The following INTS6L variants were observed in gnomAD, a reference collection of about 807,000 sequenced individuals.
The protein encoded by INTS6L is integrator complex subunit 6 like, also known as integrator complex subunit 6-like.
INTS6L carries 18 observed loss-of-function variants against 64.7 expected under a neutral mutation model. That is an observed-to-expected ratio of 0.28 (90% confidence interval 0.19 to 0.41). INTS6L has a LOEUF of 0.41. INTS6L is among the 10% of genes least tolerant of loss of function. The probability of loss-of-function intolerance (pLI) is 1.00; values close to 1 mark genes in which losing one functional copy is unlikely to be tolerated. For missense variants in INTS6L, 533 were observed against 661.0 expected, an observed-to-expected ratio of 0.81 and a Z score of 2.12; for synonymous variants, 227 against 235.9, an observed-to-expected ratio of 0.96 and a Z score of 0.34.
intron 2 of INTS6L, among the ~76,000 whole-genome samples, chrX:135,527,044 A>G (rs2085758486): frequency 8.9e-6 from 1 of 112,042 alleles, no homozygotes; most frequent in Admixed American, 9.4e-5. Context: ...TATAATTCAT[A>G]TATAGAAAAT....
intron 4 of INTS6L, 68 bp downstream of exon 4, chrX:135,546,537 C>A: frequency 1.0e-6 from 1 of 998,065 alleles, no homozygotes; most frequent in Non-Finnish European, 1.4e-6. Context: ...CTGTGGGAGG[C>A]ATTTCCAGTT....
At chrX:135,554,599 G>C (rs1556518400) in intron 8 of INTS6L, among the ~76,000 whole-genome samples, 1 of 111,536 alleles carries the variant, frequency 9.0e-6, no homozygotes, top group East Asian at 2.8e-4. Context: ...AATGGATTCT[G>C]TTAAATGTCA....
At chrX:135,528,263 C>T (rs781998841) in intron 2 of INTS6L, among the ~76,000 whole-genome samples, 1 of 112,088 alleles carries the variant, frequency 8.9e-6, no homozygotes, top group East Asian at 2.8e-4. Flanking sequence ...GTTCCCAGAC[C>T]TTCCTCCCAG....
At chrX:135,535,442 A>C (rs188250069) in intron 2 of INTS6L, among the ~76,000 whole-genome samples, 68 of 112,213 alleles carry the variant, frequency 6.1e-4, no homozygotes, top group Non-Finnish European at 1.2e-3. Flanking sequence ...TAACTTGCCC[A>C]AATATTCAGG....
intron 9 of INTS6L, among the ~76,000 whole-genome samples, chrX:135,562,315 T>C (rs1556522607): frequency 8.9e-6 from 1 of 112,364 alleles, no homozygotes. Context: ...TTACCTATTA[T>C]CTTTTTGTTA....
rs201675984 is a variant in INTS6L at position 135,572,949 on chromosome X, A to G, written c.1533A>G (p.Lys511=). The G allele has an allele frequency of 1.2e-4, 146 of 1,210,140 alleles. No individual in the cohort carries two copies. The South Asian group carries it at 2.4e-3, about 20-fold the overall frequency. Residue 511 remains lysine, a synonymous_variant, in exon 12 of 18, where the codon AAA becomes AAG. Coordinates refer to ENST00000639893, the MANE Select transcript of INTS6L (RefSeq NM_001351601.3). ...THNKNFRKLL[K]EITGETALRL... The stretch of plus-strand genomic sequence containing the variant: ...ATAAAAATTTTAGAAAACTATTGAA[A>G]GAAATCACAGGGGAAACTGCACTTA...
chrX:135,552,253 T>C, intron 8 of INTS6L, 107 bp downstream of exon 8: 1 of 889,045 alleles, frequency 1.1e-6, no homozygotes, highest in Non-Finnish European at 1.5e-6. Context: ...CTGACTGTGC[T>C]AATGATGTTT....
At position 135,521,011 on chromosome X, in the gene INTS6L, C is replaced by G; in HGVS notation, c.19C>G (p.Leu7Val). The G allele has an allele frequency of 8.3e-7, 1 of 1,211,388 alleles. No homozygotes were observed. The highest frequency in any genetic ancestry group is 1.1e-6 in the Non-Finnish European group (1 of 895,337). Reference protein sequence around the residue: MPILLFLIDTSASMNQR... With the variant: MPILLFVIDTSASMNQR... ...GGGGAAGATGCCCATCCTGCTGTTC[C>G]TCATAGACACGTCCGCCTCTATGAA... Residue 7 changes from leucine (L) to valine (V), a missense_variant, in exon 1 of 18, where the codon CTC (leucine) becomes GTC (valine). Leu to Val is a conservative substitution (Grantham distance 32, BLOSUM62 1). Coordinates refer to ENST00000639893, the MANE Select transcript of INTS6L (RefSeq NM_001351601.3).
chrX:135,533,075 TCAAAAACAAAAA>T (rs781814215), intron 2 of INTS6L, among the ~76,000 whole-genome samples: 7 of 109,790 alleles, frequency 6.4e-5, no homozygotes, highest in East Asian at 2.9e-4. Context: ...AGATCCTGTC[TCAAAAACAAAAA>T]CAAAAACAAA....
intron 9 of INTS6L, among the ~76,000 whole-genome samples, chrX:135,560,959 C>CTTTTTT (rs200672440): frequency 1.2e-5 from 1 of 84,372 alleles, no homozygotes; most frequent in Admixed American, 1.5e-4. Context: ...TCTTTTCTTT[C>CTTTTTT]TTTTTTTTTT....
intron 9 of INTS6L, among the ~76,000 whole-genome samples, chrX:135,557,509 C>T (rs1556519917): frequency 9.0e-6 from 1 of 111,489 alleles, no homozygotes; most frequent in Non-Finnish European, 1.9e-5. Context: ...TCATTCTATG[C>T]CATAAACCTA....
In INTS6L at chrX:135,546,376, T is replaced by C. The variant is rs373950962; in HGVS notation, c.340-4T>C. 1.9e-5 allele frequency: 21 copies of C among 1,114,766 alleles called. No homozygotes were observed. Among genetic ancestry groups the C allele is most frequent in the Non-Finnish European group, 2.5e-5 (21 of 839,966 alleles). The allele number at this position is 1,114,766 out of a possible 1,213,427, so 91.9% of individuals were successfully genotyped here. A position where few individuals can be genotyped will look rare whatever the true frequency, so the allele number is the denominator to read the frequency against. On this transcript the variant is annotated splice_polypyrimidine_tract_variant and splice_region_variant and intron_variant, in intron 3 of 17. Coordinates refer to ENST00000639893, the MANE Select transcript of INTS6L (RefSeq NM_001351601.3). Reference sequence around the variant, plus strand: ...GGCTCTAATGCTTTTTAAATGTATTTTAGGGGAGAAATCCATTTTTTTTAG... The same window carrying C: ...GGCTCTAATGCTTTTTAAATGTATTCTAGGGGAGAAATCCATTTTTTTTAG...
At chrX:135,576,298 A>T (rs1556530896) in intron 14 of INTS6L, among the ~76,000 whole-genome samples, 1 of 95,038 alleles carries the variant, frequency 1.1e-5, no homozygotes, top group Non-Finnish European at 2.1e-5. Context: ...ACTGCGCTCC[A>T]GCCTGGGTGA....
chrX:135,564,516 T>C (rs781930551), intron 9 of INTS6L, among the ~76,000 whole-genome samples: 4 of 110,385 alleles, frequency 3.6e-5, no homozygotes, highest in Admixed American at 9.7e-5. Flanking sequence ...CACTTGAGGT[T>C]AAGAGTTCCA....
intron 12 of INTS6L, 25 bp downstream of exon 12, chrX:135,573,058 T>C (rs782645588): frequency 1.8e-6 from 2 of 1,123,782 alleles, no homozygotes; most frequent in Non-Finnish European, 2.4e-6. Flanking sequence ...AAATAGTTTG[T>C]ATTTGTTTGA....
intron 14 of INTS6L, among the ~76,000 whole-genome samples, chrX:135,576,536 G>T (rs2087232407): frequency 9.0e-6 from 1 of 110,741 alleles, no homozygotes; most frequent in South Asian, 3.8e-4. Flanking sequence ...CATATTCTTG[G>T]ATTATTCCTG....
chrX:135,555,825 C>A (rs1266068312), intron 8 of INTS6L, among the ~76,000 whole-genome samples: 1 of 111,100 alleles, frequency 9.0e-6, no homozygotes, highest in African/African-American at 3.3e-5. Context: ...GGATCTGGGA[C>A]CATAGGCACG....
chrX:135,524,405 T>A (rs1285352891), intron 2 of INTS6L, among the ~76,000 whole-genome samples: 1 of 111,447 alleles, frequency 9.0e-6, no homozygotes, highest in Non-Finnish European at 1.9e-5. Flanking sequence ...AAAGTGATGT[T>A]GGCTAGGATT....
intron 9 of INTS6L, among the ~76,000 whole-genome samples, chrX:135,565,004 C>T (rs1556524251): frequency 1.8e-5 from 2 of 111,287 alleles, no homozygotes; most frequent in Admixed American, 1.9e-4. Context: ...GTTCTGGATC[C>T]TCCCTAGAAT....
Sources: allele counts gnomAD v4.1 joint callset (sites outside exome capture counted in the v4.1 genomes callset), GRCh38; gene constraint gnomAD v4.1.1; transcripts MANE v1.5; gene names NCBI Gene and HGNC (gene_info 2026-07-23, HGNC 2026-07-21).